ME3: variants seen among roughly 807,000 people sequenced by gnomAD.
ME3 encodes NADP-dependent malic enzyme, mitochondrial.
ME3 carries 48 observed loss-of-function variants against 68.9 expected under a neutral mutation model. That is an observed-to-expected ratio of 0.70 (90% CI 0.55 to 0.89). The LOEUF (loss-of-function observed/expected upper bound fraction) is 0.89. Ranked by LOEUF, ME3 falls within the 40% of genes least tolerant of loss-of-function variation. The probability of loss-of-function intolerance (pLI) is 0.00; values close to 1 mark genes in which losing one functional copy is unlikely to be tolerated. For missense variants in ME3, 675 were observed against 797.4 expected (o/e 0.85, Z 1.85); for synonymous variants, 320 against 318.8 (o/e 1.00, Z -0.04).
chr11:86,493,826 G>A (rs1427059833), intron 6 of ME3, among the ~76,000 whole-genome samples: 2 of 152,146 alleles, frequency 1.3e-5, no homozygotes, highest in African/African-American at 4.8e-5. Context: ...GTCTTTGACT[G>A]TGATTAAAGC....
At chr11:86,660,525 C>T (rs1390662991) in intron 2 of ME3, among the ~76,000 whole-genome samples, 1 of 152,154 alleles carries the variant, frequency 6.6e-6, no homozygotes, top group East Asian at 1.9e-4. Context: ...AGAGAAATAT[C>T]CCATATCTAG....
chr11:86,615,316 G>A (rs1480477139), intron 2 of ME3, among the ~76,000 whole-genome samples: 1 of 152,096 alleles, frequency 6.6e-6, no homozygotes, highest in African/African-American at 2.4e-5. Flanking sequence ...TGGTAAGTAA[G>A]GATTAACTAT....
At chr11:86,604,510 C>T (rs1222511960) in intron 2 of ME3, among the ~76,000 whole-genome samples, 1 of 152,126 alleles carries the variant, frequency 6.6e-6, no homozygotes, top group Non-Finnish European at 1.5e-5. Context: ...GTTATAACTG[C>T]TTGTTCTGTT....
At chr11:86,467,390 A>C (rs1950533819) in intron 7 of ME3, among the ~76,000 whole-genome samples, 1 of 152,096 alleles carries the variant, frequency 6.6e-6, no homozygotes, top group Admixed American at 6.5e-5. Context: ...TTTTGCTTGT[A>C]CTATGAATAG....
chr11:86,527,436 A>G (rs1050679487), intron 4 of ME3, among the ~76,000 whole-genome samples: 4 of 152,220 alleles, frequency 2.6e-5, no homozygotes, highest in African/African-American at 7.2e-5. Context: ...GTTGGAAAAT[A>G]CTCTGCCGGA....
In ME3 at chr11:86,653,159, C is replaced by A. The variant is rs1014402990; in HGVS notation, c.183+18603G>T. ...ACAATAATAATGGGAGACTTTAACA[C>A]CCCACTGTCAACATTAGACAGATGA... is the stretch of plus-strand genomic sequence containing the variant. On this transcript the variant is annotated intron_variant, in intron 2 of 14. Coordinates refer to ENST00000543262, the Ensembl canonical transcript of ME3. Among the ~76,000 whole-genome samples the A allele has an allele frequency of 7.9e-5, 12 of 152,112 alleles. No homozygotes were observed. In the South Asian group the frequency reaches 1.5e-3, roughly 18 times the overall value.
At chr11:86,571,614 T>C (rs1957798383) in intron 2 of ME3, among the ~76,000 whole-genome samples, 1 of 152,252 alleles carries the variant, frequency 6.6e-6, no homozygotes, top group Admixed American at 6.5e-5. Context: ...CATACTGTAT[T>C]GGACAGTGCA....
chr11:86,514,874 G>A (rs1953783893), intron 4 of ME3, among the ~76,000 whole-genome samples: 1 of 152,168 alleles, frequency 6.6e-6, no homozygotes, highest in South Asian at 2.1e-4. Flanking sequence ...AAAAGTGTGG[G>A]CTCGGGAGTC....
intron 2 of ME3, among the ~76,000 whole-genome samples, chr11:86,661,756 C>G (rs1946292383): frequency 6.6e-6 from 1 of 152,158 alleles, no homozygotes; most frequent in Admixed American, 6.5e-5. Context: ...TACATCTAAC[C>G]ACTGAATTAG....
chr11:86,525,511 TA>T (rs545938132), intron 4 of ME3, among the ~76,000 whole-genome samples: 7,797 of 137,626 alleles, frequency 0.057, 173 homozygotes, highest in South Asian at 0.11. Context: ...CTGAATGGTT[TA>T]AAAAAAAAAA....
Position 86,497,188 on chromosome 11 carries a change from T to C in ME3, c.705+775A>G, listed in dbSNP as rs907256924. 3.9e-5 allele frequency among the ~76,000 whole-genome samples: 6 copies of C among 152,148 alleles called. No individual in the cohort carries two copies. In the East Asian group the frequency reaches 9.6e-4, roughly 24 times the overall value. On this transcript the variant is annotated intron_variant, in intron 6 of 14. Transcript: ENST00000543262. ...TAGTACAGATGGGATTTCACCATGT[T>C]GGTCAGGCTGGTCTCAAACTCCTGG...
intron 5 of ME3, among the ~76,000 whole-genome samples, chr11:86,506,492 A>G (rs1210591851): frequency 6.6e-6 from 1 of 152,190 alleles, no homozygotes; most frequent in Non-Finnish European, 1.5e-5. Context: ...AAGAGGAACA[A>G]TTGAAACCTG....
chr11:86,671,780 C>G, exon 2 of ME3: 3 of 1,604,122 alleles, frequency 1.9e-6, no homozygotes, highest in Non-Finnish European at 2.6e-6. Context: ...GATGAGGGTT[C>G]CTGGTGACAT....
chr11:86,452,253 A>C (rs953902484), intron 8 of ME3, among the ~76,000 whole-genome samples: 1 of 152,160 alleles, frequency 6.6e-6, no homozygotes, highest in African/African-American at 2.4e-5. Flanking sequence ...TTGAATTTGG[A>C]GTTGAAACAG....
intron 2 of ME3, among the ~76,000 whole-genome samples, chr11:86,604,199 C>G (rs187419716): frequency 6.6e-6 from 1 of 152,066 alleles, no homozygotes; most frequent in Non-Finnish European, 1.5e-5. Flanking sequence ...GATGAAGCCT[C>G]CAGACTTCAG....
At chr11:86,596,524 G>A (rs1049230538) in intron 2 of ME3, among the ~76,000 whole-genome samples, 3 of 152,060 alleles carry the variant, frequency 2.0e-5, no homozygotes, top group Non-Finnish European at 4.4e-5. Context: ...TCAAAATTCT[G>A]CCAAAATTAC....
intron 2 of ME3, among the ~76,000 whole-genome samples, chr11:86,580,383 A>G (rs1958370593): frequency 6.6e-6 from 1 of 152,008 alleles, no homozygotes; most frequent in Non-Finnish European, 1.5e-5. Context: ...TAAAGTTAAT[A>G]TTTAAAGTCT....
exon 9 of ME3, chr11:86,450,376 T>A: frequency 6.2e-7 from 1 of 1,614,136 alleles, no homozygotes; most frequent in South Asian, 1.1e-5. Context: ...CCAAGATCCC[T>A]GCCACAGCAA....
chr11:86,670,293 G>A (rs188654964), intron 2 of ME3, among the ~76,000 whole-genome samples: 43 of 152,306 alleles, frequency 2.8e-4, no homozygotes, highest in Middle Eastern at 3.4e-3. Flanking sequence ...TGGCAATAAC[G>A]AAGTGAGAGA....
Sources: allele counts gnomAD v4.1 joint callset (sites outside exome capture counted in the v4.1 genomes callset), GRCh38; gene constraint gnomAD v4.1.1; transcripts MANE v1.5; gene names NCBI Gene and HGNC (gene_info 2026-07-23, HGNC 2026-07-21).